BACH2: variants seen among roughly 807,000 people sequenced by gnomAD.
The protein encoded by BACH2 is transcription regulator protein BACH2.
BACH2 carries 5 observed loss-of-function variants against 61.8 expected under a neutral mutation model. That is an observed-to-expected ratio of 0.08 (90% CI 0.04 to 0.17). BACH2 has a LOEUF of 0.17. BACH2 is among the 10% of genes least tolerant of loss of function. The pLI is 1.00. For synonymous variants in BACH2, 446 were observed against 440.1 expected (o/e 1.01, Z -0.17); for missense variants, 824 against 1,091.1 (o/e 0.76, Z 3.45).
intron 3 of BACH2, among the ~76,000 whole-genome samples, chr6:90,219,817 C>T (rs1769678596): frequency 8.0e-6 from 1 of 125,088 alleles, no homozygotes; most frequent in Non-Finnish European, 1.9e-5. Flanking sequence ...CACACACACG[C>T]TCCCGAAGTT....
chr6:90,154,925 C>T (rs977130997), intron 4 of BACH2, among the ~76,000 whole-genome samples: 4 of 152,020 alleles, frequency 2.6e-5, no homozygotes, highest in Admixed American at 2.0e-4. Flanking sequence ...AGGCAGACTG[C>T]GGAAAAGGGG....
intron 4 of BACH2, among the ~76,000 whole-genome samples, chr6:90,148,687 T>TACAC (rs140261274): frequency 3.3e-5 from 5 of 151,398 alleles, no homozygotes; most frequent in African/African-American, 9.7e-5. Context: ...GTGTCTGTTT[T>TACAC]ACACACACAC....
rs903209935 is a variant in BACH2, at chr6:90,291,154, A to G, written c.-446+5326T>C. Among the ~76,000 whole-genome samples the G allele has an allele frequency of 2.6e-5, 4 of 152,234 alleles. No homozygotes were observed. In the East Asian group the frequency reaches 7.7e-4, roughly 29 times the overall value. The stretch of plus-strand genomic sequence containing the variant: ...ACAAAGGAGAAGTCAACCAGGGAAT[A>G]TGCTGAAGAAACGGTGATTATGAAG... On this transcript the variant is annotated intron_variant, in intron 1 of 8. Transcript: ENST00000257749.
At chr6:89,947,457 T>C (rs1221179073) in intron 7 of BACH2, among the ~76,000 whole-genome samples, 1 of 152,232 alleles carries the variant, frequency 6.6e-6, no homozygotes, top group Non-Finnish European at 1.5e-5. Context: ...TTACTGTAAC[T>C]GTCCTGTCCA....
intron 3 of BACH2, among the ~76,000 whole-genome samples, chr6:90,238,841 G>A (rs1460728163): frequency 2.0e-5 from 3 of 152,140 alleles, no homozygotes; most frequent in African/African-American, 4.8e-5. Flanking sequence ...TTGGGGGAGT[G>A]AGTTGTGATA....
At chr6:89,949,164 G>A (rs1773920678) in intron 7 of BACH2, among the ~76,000 whole-genome samples, 1 of 152,200 alleles carries the variant, frequency 6.6e-6, no homozygotes, top group Admixed American at 6.5e-5. Context: ...CTGCCTTACA[G>A]AGGCTGGTAA....
At chr6:90,057,314 ACAAACTACC>A (rs1188667744) in intron 5 of BACH2, among the ~76,000 whole-genome samples, 8 of 152,214 alleles carry the variant, frequency 5.3e-5, no homozygotes, top group African/African-American at 1.9e-4. Flanking sequence ...CCACAGAAAT[ACAAACTACC>A]ATCAGAGAAT....
chr6:90,245,439 A>T (rs940592707), intron 3 of BACH2, among the ~76,000 whole-genome samples: 2 of 152,134 alleles, frequency 1.3e-5, no homozygotes, highest in African/African-American at 2.4e-5. Flanking sequence ...AAGAAAATTT[A>T]AAAAAATTAT....
chr6:90,283,334 C>A (rs1159946473), intron 1 of BACH2, among the ~76,000 whole-genome samples: 3 of 151,862 alleles, frequency 2.0e-5, no homozygotes, highest in Non-Finnish European at 2.9e-5. Context: ...AGAAGTCCTA[C>A]TCACTTTTTT....
chr6:89,957,880 T>C (rs543854595), intron 6 of BACH2, among the ~76,000 whole-genome samples: 2 of 152,344 alleles, frequency 1.3e-5, no homozygotes, highest in African/African-American at 4.8e-5. Flanking sequence ...TTTTGTGTTC[T>C]ATTCCTAAGG....
At chr6:90,211,473 G>T (rs1394289334) in intron 3 of BACH2, among the ~76,000 whole-genome samples, 1 of 152,180 alleles carries the variant, frequency 6.6e-6, no homozygotes, top group Non-Finnish European at 1.5e-5. Context: ...ATCTACCATG[G>T]AGAGAAGCCT....
intron 5 of BACH2, among the ~76,000 whole-genome samples, chr6:90,045,062 AGTTTAT>A (rs1779715072): frequency 6.6e-6 from 1 of 152,208 alleles, no homozygotes; most frequent in African/African-American, 2.4e-5. Context: ...TGAATAAGCA[AGTTTAT>A]GCTCAGGAAG....
At chr6:90,164,079 G>A (rs1208098560) in intron 4 of BACH2, among the ~76,000 whole-genome samples, 1 of 152,070 alleles carries the variant, frequency 6.6e-6, no homozygotes, top group African/African-American at 2.4e-5. Flanking sequence ...CAGAACTGAA[G>A]GAAACAGAGA....
chr6:90,003,215 C>T (rs1445947917), intron 6 of BACH2, among the ~76,000 whole-genome samples: 1 of 152,154 alleles, frequency 6.6e-6, no homozygotes, highest in Non-Finnish European at 1.5e-5. Context: ...GGACCATCAC[C>T]TCTCTGACTC....
At chr6:90,238,520 C>A (rs1436213482) in intron 3 of BACH2, among the ~76,000 whole-genome samples, 1 of 152,170 alleles carries the variant, frequency 6.6e-6, no homozygotes, top group Non-Finnish European at 1.5e-5. Flanking sequence ...AAAACTCACT[C>A]CTAATAAGAA....
At chr6:89,949,453 C>A (rs1055600991) in intron 7 of BACH2, among the ~76,000 whole-genome samples, 1 of 97,484 alleles carries the variant, frequency 1.0e-5, no homozygotes, top group Non-Finnish European at 2.3e-5. Context: ...TCTGCAGGGG[C>A]CTCTTCTTTC....
chr6:90,231,669 G>A (rs527777782), intron 3 of BACH2, among the ~76,000 whole-genome samples: 2 of 152,222 alleles, frequency 1.3e-5, no homozygotes, highest in South Asian at 4.2e-4. Flanking sequence ...CAACCAAAAT[G>A]CAATTTGAAA....
Position 89,951,811 on chromosome 6 carries a change from G to T in BACH2, c.295C>A (p.Leu99Met). 1 of 1,614,216 alleles carries T rather than the reference G, an allele frequency of 6.2e-7. No individual in the cohort carries two copies. Among genetic ancestry groups the T allele is most frequent in the Non-Finnish European group, 8.5e-7 (1 of 1,180,024 alleles). The change falls in exon 7 of 9, where the codon CTG (leucine) becomes ATG (methionine). Residue 99 changes from leucine to methionine, a missense_variant. Leu to Met is a conservative substitution (Grantham distance 15). This residue lies in a region of BACH2 where 66 missense variants were observed against 144.8 expected (regional missense o/e 0.46). Transcript: ENST00000257749. This position sits in a 1 kb window ranked among gnomAD's most constrained non-coding sequence, Gnocchi z 6.4. ...PLLQFAYTAKLLLSRENIREV... is the reference protein window; with the variant it reads ...PLLQFAYTAKMLLSRENIREV... ...CGGATGTTTTCTCTGCTGAGTAACA[G>T]CTTGGCAGTGTAGGCAAACTGTAAC...
Position 90,203,650 on chromosome 6 carries a change from G to C in BACH2, c.-162+2919C>G, listed in dbSNP as rs1769035622. ...TGCCTGTTTACAATATTTAAAAGGT[G>C]AATAAATAAATATGAGGCTGTCTAC... On this transcript the variant is annotated intron_variant, in intron 4 of 8. Coordinates refer to ENST00000257749, the MANE Select transcript of BACH2 (RefSeq NM_021813.4). Among the ~76,000 whole-genome samples, 5 of 152,064 alleles carry C rather than the reference G, an allele frequency of 3.3e-5. No homozygotes were observed. The South Asian group carries it at 6.2e-4, about 19-fold the overall frequency.
Sources: allele counts gnomAD v4.1 joint callset (sites outside exome capture counted in the v4.1 genomes callset), GRCh38; gene constraint gnomAD v4.1.1; regional missense constraint gnomAD v4.1.1; non-coding constraint Gnocchi (gnomAD v3.1); transcripts MANE v1.5; gene names NCBI Gene and HGNC (gene_info 2026-07-23, HGNC 2026-07-21).